Variants in FBXL19 observed in about 807,000 individuals in gnomAD.
FBXL19 encodes the protein F-box/LRR-repeat protein 19.
Under a neutral mutation model 71.2 loss-of-function variants are expected in FBXL19, and 16 were observed. The ratio of observed to expected loss-of-function variants is 0.22; its 90% confidence interval spans 0.15 to 0.34. The LOEUF (loss-of-function observed/expected upper bound fraction) is 0.34, where lower values mean the gene tolerates loss of function less well. Ranked by LOEUF, FBXL19 falls within the 10% of genes least tolerant of loss-of-function variation. The pLI, the probability that FBXL19 is intolerant of heterozygous loss-of-function variation, is 1.00. For missense variants in FBXL19, 658 were observed against 968.2 expected (o/e 0.68, Z 4.25); for synonymous variants, 447 against 409.4 (o/e 1.09, Z -1.11).
intron 7 of FBXL19, among the ~76,000 whole-genome samples, chr16:30,932,669 C>A (rs1596652505): frequency 6.6e-6 from 1 of 152,020 alleles, no homozygotes; most frequent in African/African-American, 2.4e-5. Context: ...ACAAAGCCCG[C>A]AGCACAGTGC....
intron 7 of FBXL19, among the ~76,000 whole-genome samples, chr16:30,935,834 G>A (rs2055726299): frequency 6.6e-6 from 1 of 152,128 alleles, no homozygotes; most frequent in South Asian, 2.1e-4. Context: ...AGGAGGAAGT[G>A]AATGGGTTAG....
chr16:30,946,664 G>A lies in FBXL19; in HGVS notation c.1628-66G>A. 6.8e-7 allele frequency: 1 copy of A among 1,469,568 alleles called. No individual in the cohort carries two copies. Among genetic ancestry groups the A allele is most frequent in the Non-Finnish European group, 9.2e-7 (1 of 1,083,208 alleles). 91.0% of individuals were successfully genotyped at this position (1,469,568 alleles called of 1,614,324 possible). ...TGTGGGAAGCAGGTGGAGGGCAGATGGTCTGGATACCTGGGCGCAGGGATG... is the reference window on the plus strand; with the variant it reads ...TGTGGGAAGCAGGTGGAGGGCAGATAGTCTGGATACCTGGGCGCAGGGATG... On this transcript the variant is annotated intron_variant, in intron 9 of 10. Transcript: ENST00000338343. The surrounding 1 kb of genome is among the most constrained non-coding windows in gnomAD (Gnocchi z 6.7).
rs1346901397 is a variant in FBXL19 at position 30,927,302 on chromosome 16, C to A, written c.178-6C>A. 1.9e-6 allele frequency: 3 copies of A among 1,553,416 alleles called. No homozygotes were observed. The highest frequency in any genetic ancestry group is 2.0e-5 in the Admixed American group (1 of 49,636). Reference sequence around the variant, plus strand: ...GGGGCCCCTGATGTCCCCTCTCCCCCAACAGCCCGTGCTCCCACACACAGC... The same window carrying A: ...GGGGCCCCTGATGTCCCCTCTCCCCAAACAGCCCGTGCTCCCACACACAGC... On this transcript the variant is annotated splice_region_variant and splice_polypyrimidine_tract_variant and intron_variant, in intron 2 of 10. Coordinates refer to ENST00000338343, the MANE Select transcript of FBXL19 (RefSeq NM_001382779.1).
chr16:30,937,140 G>T (rs993841885), intron 7 of FBXL19, among the ~76,000 whole-genome samples: 2 of 152,068 alleles, frequency 1.3e-5, no homozygotes, highest in African/African-American at 4.8e-5. Context: ...ACAGTGCCTG[G>T]CACACAGTGA....
chr16:30,943,955 G>T (rs1311274320), intron 9 of FBXL19, among the ~76,000 whole-genome samples: 2 of 152,172 alleles, frequency 1.3e-5, no homozygotes, highest in Non-Finnish European at 2.9e-5. Context: ...AGGCCCAGAG[G>T]GATTGACTGC....
At chr16:30,936,437 T>A (rs2055733540) in intron 7 of FBXL19, among the ~76,000 whole-genome samples, 1 of 146,760 alleles carries the variant, frequency 6.8e-6, no homozygotes. Flanking sequence ...TGGGCCTCAT[T>A]TTTTTTTTTT....
chr16:30,948,575 G>A lies in FBXL19; in HGVS notation c.*1345G>A. 1 of 151,764 alleles carries A rather than the reference G, an allele frequency of 6.6e-6. No homozygotes were observed. Among genetic ancestry groups the A allele is most frequent in the Non-Finnish European group, 1.5e-5 (1 of 67,864 alleles). The allele number at this position is 151,764 out of a possible 1,614,324, so 9.4% of individuals were successfully genotyped here. A position where few individuals can be genotyped will look rare whatever the true frequency, so the allele number is the denominator to read the frequency against. ...ATCTATCCACATACCTCAGGTAACA[G>A]GGAGGTGCGCGGGTGGGGGGAGGGC... On this transcript the variant is annotated 3_prime_UTR_variant, in exon 11 of 11. Coordinates refer to ENST00000338343, the MANE Select transcript of FBXL19 (RefSeq NM_001382779.1).
At chr16:30,922,863 A>G (rs1329883114), upstream of FBXL19, 1 of 354,784 alleles carries the variant, frequency 2.8e-6, no homozygotes, top group African/African-American at 2.1e-5. Flanking sequence ...TTTCGAGACC[A>G]CAGGCGGGCG....
intron 7 of FBXL19, among the ~76,000 whole-genome samples, chr16:30,940,540 G>A (rs2143375045): frequency 6.6e-6 from 1 of 152,208 alleles, no homozygotes; most frequent in South Asian, 2.1e-4. Flanking sequence ...TTCTCAAACT[G>A]AGTCCAAAGG....
rs187099102 is a variant in FBXL19, at chr16:30,946,076, G to A, written c.1628-654G>A. ...TTCTGCAAGCTGTACAGGAAGTATC[G>A]TGCCTGCGTCTGCTCAGCTTCTGGG... On this transcript the variant is annotated intron_variant, in intron 9 of 10. Transcript: ENST00000338343. The surrounding 1 kb of genome is among the most constrained non-coding windows in gnomAD (Gnocchi z 6.7). Among the ~76,000 whole-genome samples the A allele has an allele frequency of 1.2e-3, 190 of 152,218 alleles. 2 individuals are homozygous for A. Among genetic ancestry groups the A allele is most frequent in the African/African-American group, 4.5e-3 (187 of 41,512 alleles).
In FBXL19 at chr16:30,930,384, C is replaced by T. The variant is rs1474818033; in HGVS notation, c.1101C>T (p.Gly367=). The change falls in exon 7 of 11, where the codon GGC becomes GGT. Residue 367 remains glycine, a synonymous_variant. Transcript: ENST00000338343. This position sits in a 1 kb window ranked among gnomAD's most constrained non-coding sequence, Gnocchi z 8.5. ...GGCCCCTACTCAGCTGGCCCCTGGG[C>T]CCAGCCCCACCACCCCGGCCTCCAC... The part of the protein sequence containing the change: ...SGGPLLSWPL[G]PAPPPRPPQL... The T allele has an allele frequency of 7.1e-6, 11 of 1,539,744 alleles. No homozygotes were observed. Among genetic ancestry groups the T allele is most frequent in the African/African-American group, 1.4e-5 (1 of 73,236 alleles).
At chr16:30,927,240 C>A in intron 2 of FBXL19, 68 bp from the exon 3 acceptor site, 1 of 1,469,018 alleles carries the variant, frequency 6.8e-7, no homozygotes, top group Non-Finnish European at 9.1e-7. Context: ...GGCCAGGGTC[C>A]CTAGAAGGAA....
intron 2 of FBXL19, 25 bp from the exon 3 acceptor site, chr16:30,927,283 C>G: frequency 6.5e-7 from 1 of 1,534,604 alleles, no homozygotes; most frequent in East Asian, 2.4e-5. Flanking sequence ...TTTCGGGGCC[C>G]CTGATGTCCC....
chr16:30,925,977 CCTT>C lies in FBXL19; in HGVS notation c.177+50_177+52del. On this transcript the variant is annotated intron_variant, in intron 2 of 10. Coordinates refer to ENST00000338343, the MANE Select transcript of FBXL19 (RefSeq NM_001382779.1). This position sits in a 1 kb window ranked among gnomAD's most constrained non-coding sequence, Gnocchi z 5.0. Reference sequence around the variant, plus strand: ...TGGGCTCTGCCCACCCTTCCCAATACCTTCTTGGAATGGCTGGTGACTGCCTCC... The same window carrying C: ...TGGGCTCTGCCCACCCTTCCCAATACCTTGGAATGGCTGGTGACTGCCTCC... 6.9e-7 allele frequency: 1 copy of C among 1,438,912 alleles called. No homozygotes were observed. The highest frequency in any genetic ancestry group is 9.1e-7 in the Non-Finnish European group (1 of 1,098,886). 89.1% of individuals were successfully genotyped at this position (1,438,912 alleles called of 1,614,324 possible). A position where few individuals can be genotyped will look rare whatever the true frequency, so the allele number is the denominator to read the frequency against.
chr16:30,947,291 C>A lies in FBXL19; in HGVS notation c.*61C>A. The A allele has an allele frequency of 1.4e-6, 2 of 1,391,380 alleles. No homozygotes were observed. The highest frequency in any genetic ancestry group is 1.9e-6 in the Non-Finnish European group (2 of 1,046,788). The allele number at this position is 1,391,380 out of a possible 1,614,324, so 86.2% of individuals were successfully genotyped here. A position where few individuals can be genotyped will look rare whatever the true frequency, so the allele number is the denominator to read the frequency against. On this transcript the variant is annotated 3_prime_UTR_variant, in exon 11 of 11. Coordinates refer to ENST00000338343, the MANE Select transcript of FBXL19 (RefSeq NM_001382779.1). ...AGCCTGGACCTCCGGCTTCATTTCA[C>A]CCCTGCTGGGAGGCCAGGTTCCCAC...
chr16:30,941,000 T>G (rs916444110), intron 7 of FBXL19, among the ~76,000 whole-genome samples: 1 of 152,124 alleles, frequency 6.6e-6, no homozygotes, highest in African/African-American at 2.4e-5. Context: ...TTGAGGCCTG[T>G]GGAGTGCTCG....
rs1230100032 is a variant in FBXL19, at chr16:30,927,739, G to T, written c.409-6G>T. 7.7e-6 allele frequency: 12 copies of T among 1,556,714 alleles called. No homozygotes were observed. The highest frequency in any genetic ancestry group is 9.6e-6 in the Non-Finnish European group (11 of 1,150,696). ...GGTCCTCACCCCCAGCTTCTGTCCC[G>T]CCTAGGATTCAGGTGAGGGGCCTGG... On this transcript the variant is annotated splice_region_variant and splice_polypyrimidine_tract_variant and intron_variant, in intron 4 of 10. Transcript: ENST00000338343.
chr16:30,923,105 G>A (rs1475716712), upstream of FBXL19: 1 of 456,608 alleles, frequency 2.2e-6, no homozygotes, highest in Non-Finnish European at 4.4e-6. Flanking sequence ...TTCCTGACGA[G>A]TAGAAATGGC....
chr16:30,929,054 C>T lies in FBXL19; in HGVS notation c.789+426C>T, dbSNP rs1169874024. 3.3e-5 allele frequency among the ~76,000 whole-genome samples: 5 copies of T among 152,124 alleles called. 1 individual carries two copies. The highest frequency in any genetic ancestry group is 2.6e-4 in the Admixed American group (4 of 15,266). On this transcript the variant is annotated intron_variant, in intron 6 of 10. Coordinates refer to ENST00000338343, the MANE Select transcript of FBXL19 (RefSeq NM_001382779.1). ...TTACGAGGTTCTGAAAGGCAATGAG[C>T]TTTGTAAGCTATAAAATTTACCCAG... is the stretch of plus-strand genomic sequence containing the variant.
Sources: gnomAD v4.1 joint callset for allele counts (sites outside exome capture counted in the v4.1 genomes callset) on GRCh38, gnomAD v4.1.1 for gene constraint, Gnocchi (gnomAD v3.1) non-coding constraint, MANE v1.5 for transcripts, NCBI Gene and HGNC (gene_info 2026-07-23, HGNC 2026-07-21) for gene names.